The following CELF4 variants were observed in gnomAD, a reference collection of about 807,000 sequenced individuals.
CELF4 encodes CUG-BP- and ETR-3-like factor 4.
In CELF4, 18 loss-of-function variants were observed where a neutral mutation model predicts 59.9. The observed-to-expected ratio is 0.30, with a 90% CI of 0.21 to 0.45. The LOEUF is 0.45. CELF4 is among the 20% of genes least tolerant of loss of function. CELF4 has a pLI of 1.00. For synonymous variants in CELF4, 261 were observed against 267.1 expected (o/e 0.98, Z 0.22); for missense variants, 456 against 689.0 (o/e 0.66, Z 3.79).
chr18:37,374,164 C>A (rs996247442), intron 2 of CELF4, among the ~76,000 whole-genome samples: 10 of 152,172 alleles, frequency 6.6e-5, no homozygotes, highest in Non-Finnish European at 1.3e-4. Context: ...AGAGAAGTTC[C>A]CCGCAGGTCC....
chr18:37,257,087 A>G (rs1310627142), intron 11 of CELF4, among the ~76,000 whole-genome samples: 3 of 152,170 alleles, frequency 2.0e-5, no homozygotes, highest in Non-Finnish European at 2.9e-5. Flanking sequence ...ATTAGAGAGA[A>G]AAAAAAACTG....
rs1469255469 is a variant in CELF4 at position 37,245,739 on chromosome 18, C to T, written c.*45-542G>A. 2.0e-5 allele frequency among the ~76,000 whole-genome samples: 3 copies of T among 152,024 alleles called. No individual in the cohort carries two copies. The highest frequency in any genetic ancestry group is 4.8e-5 in the African/African-American group (2 of 41,382). On this transcript the variant is annotated intron_variant, in intron 12 of 12. Coordinates refer to ENST00000420428, the MANE Select transcript of CELF4 (RefSeq NM_020180.4). This position sits in a 1 kb window ranked among gnomAD's most constrained non-coding sequence, Gnocchi z 4.1. ...CTTTCCCGGGGTCAGTAACTATTTGCGAGGCTGTGTATATATATGTATATC... is the reference window on the plus strand; with the variant it reads ...CTTTCCCGGGGTCAGTAACTATTTGTGAGGCTGTGTATATATATGTATATC...
intron 12 of CELF4, among the ~76,000 whole-genome samples, chr18:37,249,427 G>A (rs947770140): frequency 2.0e-5 from 3 of 152,168 alleles, no homozygotes; most frequent in South Asian, 2.1e-4. Context: ...CAGCTTTAGA[G>A]TGCAACCGCT....
intron 1 of CELF4, among the ~76,000 whole-genome samples, chr18:37,506,086 C>T (rs1417417225): frequency 6.6e-6 from 1 of 151,476 alleles, no homozygotes; most frequent in Non-Finnish European, 1.5e-5. Flanking sequence ...CCCAACGCCG[C>T]CCCCCTGTTC....
Position 37,345,075 on chromosome 18 carries a change from C to T in CELF4, c.370-23194G>A, listed in dbSNP as rs544454996. 5.9e-5 allele frequency among the ~76,000 whole-genome samples: 9 copies of T among 152,208 alleles called. No individual in the cohort carries two copies. In the South Asian group the frequency reaches 1.0e-3, roughly 18 times the overall value. ...GAGAATTGGAGAATGGCTGTGGAGGCGGACAGAAAAGTTTGGGTGCCTCGG... is the reference window on the plus strand; with the variant it reads ...GAGAATTGGAGAATGGCTGTGGAGGTGGACAGAAAAGTTTGGGTGCCTCGG... On this transcript the variant is annotated intron_variant, in intron 2 of 12. Transcript: ENST00000420428.
intron 2 of CELF4, among the ~76,000 whole-genome samples, chr18:37,393,543 T>C (rs767894465): frequency 2.6e-5 from 4 of 152,166 alleles, no homozygotes; most frequent in Non-Finnish European, 5.9e-5. Flanking sequence ...AGGGAACTCA[T>C]TGCTCACAGA....
intron 3 of CELF4, among the ~76,000 whole-genome samples, chr18:37,281,057 G>T (rs1158406675): frequency 6.6e-6 from 1 of 152,222 alleles, no homozygotes; most frequent in Non-Finnish European, 1.5e-5. Flanking sequence ...GGGTATCAGG[G>T]AAGGATGGGG....
intron 2 of CELF4, among the ~76,000 whole-genome samples, chr18:37,325,027 G>A (rs1467594933): frequency 6.6e-6 from 1 of 152,116 alleles, no homozygotes; most frequent in Non-Finnish European, 1.5e-5. Flanking sequence ...GGAGTGTGGG[G>A]GAAAGAGAGG....
chr18:37,485,455 G>T, intron 2 of CELF4, 70 bp downstream of exon 2: 2 of 1,000,726 alleles, frequency 2.0e-6, no homozygotes, highest in Non-Finnish European at 2.5e-6. Context: ...GCGCCGCGCC[G>T]CCGCCCGGCC....
At chr18:37,468,558 T>C (rs935931285) in intron 2 of CELF4, among the ~76,000 whole-genome samples, 2 of 152,174 alleles carry the variant, frequency 1.3e-5, no homozygotes, top group African/African-American at 4.8e-5. Context: ...ATGACATCAG[T>C]CATTCAACTA....
chr18:37,516,212 G>C (rs1171250220), intron 1 of CELF4, among the ~76,000 whole-genome samples: 2 of 152,058 alleles, frequency 1.3e-5, no homozygotes, highest in Non-Finnish European at 2.9e-5. Context: ...TGGTAGACCA[G>C]GCCTCCTCCC....
chr18:37,337,605 C>T (rs1209465885), intron 2 of CELF4, among the ~76,000 whole-genome samples: 1 of 152,198 alleles, frequency 6.6e-6, no homozygotes, highest in Non-Finnish European at 1.5e-5. Context: ...CAAGGAGGCC[C>T]CCTCAGTGAC....
chr18:37,550,989 G>A (rs573384767), intron 1 of CELF4, among the ~76,000 whole-genome samples: 2 of 152,246 alleles, frequency 1.3e-5, no homozygotes, highest in South Asian at 2.1e-4. Context: ...ATAGGAAAAG[G>A]AGGTCACTTT....
At chr18:37,336,718 T>A (rs976319882) in intron 2 of CELF4, among the ~76,000 whole-genome samples, 2 of 152,140 alleles carry the variant, frequency 1.3e-5, no homozygotes, top group African/African-American at 2.4e-5. Context: ...ATCATCTCCT[T>A]AAAGGTTAAT....
At chr18:37,334,925 G>C (rs2097709608) in intron 2 of CELF4, among the ~76,000 whole-genome samples, 1 of 152,054 alleles carries the variant, frequency 6.6e-6, no homozygotes, top group African/African-American at 2.4e-5. Context: ...AGTCATCCTA[G>C]AAATGGCACC....
At chr18:37,485,149 C>T (rs866504612) in intron 2 of CELF4, among the ~76,000 whole-genome samples, 4 of 152,236 alleles carry the variant, frequency 2.6e-5, no homozygotes, top group Non-Finnish European at 4.4e-5. Flanking sequence ...TTGCGGCGCC[C>T]CCTCCCACGC....
intron 3 of CELF4, among the ~76,000 whole-genome samples, chr18:37,308,261 G>T (rs1398787047): frequency 2.6e-5 from 4 of 152,060 alleles, no homozygotes; most frequent in African/African-American, 9.7e-5. Context: ...TTCTGGAACT[G>T]CCTCCCCACC....
chr18:37,444,617 TACACACACACACACAC>T (rs61248144), intron 2 of CELF4, among the ~76,000 whole-genome samples: 3 of 134,254 alleles, frequency 2.2e-5, no homozygotes, highest in East Asian at 2.3e-4. Context: ...CTAGCATGCA[TACACACACACACACAC>T]ACACACACAC....
At position 37,253,629 on chromosome 18, in the gene CELF4, G is replaced by C. The variant is rs1056816752; in HGVS notation, c.*44+138C>G. ...AGCTCTGCGCCTGGCCCGAGGAGCAGGGCGAGGAGCAGGTTGAGCCGGGCG... is the reference window on the plus strand; with the variant it reads ...AGCTCTGCGCCTGGCCCGAGGAGCACGGCGAGGAGCAGGTTGAGCCGGGCG... On this transcript the variant is annotated intron_variant, in intron 12 of 12. Transcript: ENST00000420428. This position sits in a 1 kb window ranked among gnomAD's most constrained non-coding sequence, Gnocchi z 4.5. The C allele has an allele frequency of 1.7e-6, 1 of 593,358 alleles. No individual in the cohort carries two copies. Among genetic ancestry groups the C allele is most frequent in the African/African-American group, 2.0e-5 (1 of 50,660 alleles). The allele number at this position is 593,358 out of a possible 1,614,324, so 36.8% of individuals were successfully genotyped here.
Sources: allele counts gnomAD v4.1 joint callset (sites outside exome capture counted in the v4.1 genomes callset), GRCh38; gene constraint gnomAD v4.1.1; non-coding constraint Gnocchi (gnomAD v3.1); transcripts MANE v1.5; gene names NCBI Gene and HGNC (gene_info 2026-07-23, HGNC 2026-07-21).